Variants in REDIC1 observed in about 807,000 individuals in gnomAD.
REDIC1 encodes the protein regulator of DNA class I crossover intermediates 1, also known as HEI10 Interacting Protein 1.
At chr12:39,683,294 T>A in the REDIC1 span, 1 of 1,088,592 alleles carries the variant, frequency 9.2e-7, no homozygotes, top group South Asian at 1.5e-5. Flanking sequence ...TGGCTTCCTA[T>A]TATATAACAT....
chr12:39,863,328 T>C, the REDIC1 span, among the ~76,000 whole-genome samples: 2 of 152,276 alleles, frequency 1.3e-5, no homozygotes, highest in South Asian at 4.1e-4. Flanking sequence ...AGGAAAACTA[T>C]TTCATTATGT....
chr12:39,851,002 C>G, the REDIC1 span, among the ~76,000 whole-genome samples: 16 of 151,872 alleles, frequency 1.1e-4, no homozygotes, highest in African/African-American at 3.9e-4. Context: ...TGGGTTCAAG[C>G]AATTCTCTTG....
At chr12:39,798,080 T>G in the REDIC1 span, among the ~76,000 whole-genome samples, 1 of 152,170 alleles carries the variant, frequency 6.6e-6, no homozygotes, top group African/African-American at 2.4e-5. Context: ...GATCATTCAC[T>G]TTGGAGGAAG....
At chr12:39,864,045 T>G in the REDIC1 span, among the ~76,000 whole-genome samples, 1 of 152,234 alleles carries the variant, frequency 6.6e-6, no homozygotes, top group Admixed American at 6.5e-5. Context: ...TTATGGTGGC[T>G]AAAGTCCAGT....
chr12:39,890,303 C>T, the REDIC1 span, among the ~76,000 whole-genome samples: 4 of 152,066 alleles, frequency 2.6e-5, no homozygotes, highest in Admixed American at 6.6e-5. Flanking sequence ...TATTATTAAA[C>T]AGTATTATTT....
chr12:39,796,905 T>C, the REDIC1 span, among the ~76,000 whole-genome samples: 1 of 152,190 alleles, frequency 6.6e-6, no homozygotes, highest in African/African-American at 2.4e-5. Context: ...TTTCTAGAAG[T>C]GAAGCTGCTT....
At chr12:39,682,882 AACAAGTG>A in the REDIC1 span, 2 of 1,612,858 alleles carry the variant, frequency 1.2e-6, no homozygotes, top group Non-Finnish European at 1.7e-6. Context: ...GAAAACATTT[AACAAGTG>A]TGATTATGAT....
At chr12:39,895,487 C>T in the REDIC1 span, among the ~76,000 whole-genome samples, 1 of 25,336 alleles carries the variant, frequency 3.9e-5, no homozygotes, top group East Asian at 1.5e-3. Context: ...GAGACTCTGT[C>T]TCAAAAAAAA....
the REDIC1 span, among the ~76,000 whole-genome samples, chr12:39,708,456 A>T: frequency 1.4e-4 from 21 of 151,658 alleles, no homozygotes; most frequent in South Asian, 4.4e-3. Context: ...AAATTGATCA[A>T]TTTTTTCTTT....
At chr12:39,852,206 C>T in the REDIC1 span, among the ~76,000 whole-genome samples, 1 of 152,218 alleles carries the variant, frequency 6.6e-6, no homozygotes, top group South Asian at 2.1e-4. Flanking sequence ...CACATGAATC[C>T]GTGTTTTCAA....
the REDIC1 span, among the ~76,000 whole-genome samples, chr12:39,859,069 T>C: frequency 6.6e-6 from 1 of 152,088 alleles, no homozygotes; most frequent in African/African-American, 2.4e-5. Flanking sequence ...AAATGAACTT[T>C]GAAGGGACTA....
At chr12:39,711,661 CTA>C in the REDIC1 span, among the ~76,000 whole-genome samples, 6 of 133,208 alleles carry the variant, frequency 4.5e-5, no homozygotes, top group Admixed American at 7.4e-5. Context: ...GTATGTATGT[CTA>C]TACACATGTA....
the REDIC1 span, among the ~76,000 whole-genome samples, chr12:39,666,230 A>G: frequency 6.6e-6 from 1 of 152,084 alleles, no homozygotes; most frequent in East Asian, 1.9e-4. Flanking sequence ...ATTATTTTGA[A>G]ATATGTCCCA....
At chr12:39,874,342 G>A in the REDIC1 span, among the ~76,000 whole-genome samples, 5 of 152,032 alleles carry the variant, frequency 3.3e-5, no homozygotes, top group African/African-American at 1.2e-4. Flanking sequence ...GGCCGGGCAC[G>A]GTGGCTCACA....
chr12:39,749,089 T>G, the REDIC1 span, among the ~76,000 whole-genome samples: 1 of 150,588 alleles, frequency 6.6e-6, no homozygotes, highest in South Asian at 2.1e-4. Flanking sequence ...CTGAAGGAGA[T>G]AGAGACACAA....
At chr12:39,821,635 C>G in the REDIC1 span, among the ~76,000 whole-genome samples, 2 of 152,124 alleles carry the variant, frequency 1.3e-5, no homozygotes, top group Non-Finnish European at 2.9e-5. Context: ...AATGGAACAC[C>G]TTCTATTTTA....
the REDIC1 span, among the ~76,000 whole-genome samples, chr12:39,674,580 G>C: frequency 1.5e-5 from 2 of 137,234 alleles, no homozygotes; most frequent in East Asian, 2.0e-4. Context: ...CAAAGTGTGA[G>C]GGGGGGATAG....
At chr12:39,661,334 A>G in the REDIC1 span, among the ~76,000 whole-genome samples, 4,701 of 151,996 alleles carry the variant, frequency 0.031, 99 homozygotes, top group Non-Finnish European at 0.045. Flanking sequence ...TTGTTTTTTG[A>G]TAATAGCCAT....
the REDIC1 span, chr12:39,646,413 C>A: frequency 6.7e-7 from 1 of 1,488,534 alleles, no homozygotes; most frequent in Non-Finnish European, 9.0e-7. Context: ...CTTACAATGT[C>A]GCCTCACTGT....
Sources: allele counts gnomAD v4.1 joint callset (sites outside exome capture counted in the v4.1 genomes callset), GRCh38; gene constraint gnomAD v4.1.1; transcripts MANE v1.5; gene names NCBI Gene and HGNC (gene_info 2026-07-23, HGNC 2026-07-21).